The following SHISA6 variants were observed in gnomAD, a reference collection of about 807,000 sequenced individuals.
The protein encoded by SHISA6 is shisa family member 6.
A neutral mutation model predicts 47.9 loss-of-function variants in SHISA6; 22 were observed. The observed-to-expected ratio is 0.46, with a 90% CI of 0.33 to 0.66. The LOEUF is 0.66. Among genes scored for constraint, SHISA6 ranks in the 30% least tolerant of loss-of-function variants. The probability of loss-of-function intolerance (pLI) is 0.02; values close to 1 mark genes in which losing one functional copy is unlikely to be tolerated. For synonymous variants in SHISA6, 388 were observed against 337.8 expected, an observed-to-expected ratio of 1.15 and a Z score of -1.63; for missense variants, 680 against 764.6, an observed-to-expected ratio of 0.89 and a Z score of 1.30.
intron 2 of SHISA6, among the ~76,000 whole-genome samples, chr17:11,353,736 G>C (rs183207274): frequency 6.6e-6 from 1 of 152,152 alleles, no homozygotes; most frequent in Non-Finnish European, 1.5e-5. Context: ...GAAAGGGAAG[G>C]TTAATTTATC....
intron 2 of SHISA6, among the ~76,000 whole-genome samples, chr17:11,337,996 A>G (rs1481753463): frequency 1.3e-5 from 2 of 152,172 alleles, no homozygotes; most frequent in Non-Finnish European, 2.9e-5. Flanking sequence ...AGAGTGGTAG[A>G]GGGCATGTGT....
intron 1 of SHISA6, among the ~76,000 whole-genome samples, chr17:11,253,294 A>T (rs899637226): frequency 7.3e-6 from 1 of 136,530 alleles, no homozygotes; most frequent in Non-Finnish European, 1.6e-5. Context: ...AATTTATCCA[A>T]ATTGGACCTG....
chr17:11,500,647 G>A (rs1439004518), intron 3 of SHISA6, among the ~76,000 whole-genome samples: 1 of 152,174 alleles, frequency 6.6e-6, no homozygotes, highest in Non-Finnish European at 1.5e-5. Context: ...AACAAATACG[G>A]TAGCCACTAG....
chr17:11,305,322 A>G (rs894849071), intron 2 of SHISA6, among the ~76,000 whole-genome samples: 2 of 152,198 alleles, frequency 1.3e-5, no homozygotes, highest in African/African-American at 4.8e-5. Flanking sequence ...AGTCATCTTT[A>G]TAGTCAACAA....
At chr17:11,477,459 T>C (rs1365857863) in intron 3 of SHISA6, among the ~76,000 whole-genome samples, 1 of 152,162 alleles carries the variant, frequency 6.6e-6, no homozygotes, top group Non-Finnish European at 1.5e-5. Context: ...AGGGTACATG[T>C]GCACATTGTG....
chr17:11,488,542 C>T (rs1297052598), intron 3 of SHISA6, among the ~76,000 whole-genome samples: 1 of 152,146 alleles, frequency 6.6e-6, no homozygotes, highest in East Asian at 1.9e-4. Context: ...CGTTTTACTA[C>T]AAATGCTTGG....
intron 3 of SHISA6, among the ~76,000 whole-genome samples, chr17:11,502,886 T>C (rs1461695807): frequency 6.6e-6 from 1 of 152,220 alleles, no homozygotes; most frequent in African/African-American, 2.4e-5. Flanking sequence ...GCAGCCTTTT[T>C]GGATGGGTTT....
intron 2 of SHISA6, among the ~76,000 whole-genome samples, chr17:11,331,842 T>C (rs1422570345): frequency 6.6e-6 from 1 of 152,056 alleles, no homozygotes; most frequent in Non-Finnish European, 1.5e-5. Flanking sequence ...AGTCTTGCTG[T>C]CACCTCTGGG....
intron 3 of SHISA6, among the ~76,000 whole-genome samples, chr17:11,420,157 T>C (rs1914411077): frequency 6.6e-6 from 1 of 152,158 alleles, no homozygotes; most frequent in Non-Finnish European, 1.5e-5. Context: ...TGAGCCAAGA[T>C]TGCGCCACTG....
intron 3 of SHISA6, among the ~76,000 whole-genome samples, chr17:11,411,984 C>G (rs1178649777): frequency 6.6e-6 from 1 of 152,018 alleles, no homozygotes; most frequent in Non-Finnish European, 1.5e-5. Flanking sequence ...CATTTAGTTT[C>G]CTTTTCCCCC....
At chr17:11,255,681 T>TG (rs1907979798) in intron 1 of SHISA6, among the ~76,000 whole-genome samples, 1 of 152,148 alleles carries the variant, frequency 6.6e-6, no homozygotes, top group African/African-American at 2.4e-5. Context: ...GTGGGAAATA[T>TG]GGGGCGTGGA....
chr17:11,535,650 G>T (rs549055009), intron 3 of SHISA6, among the ~76,000 whole-genome samples: 1 of 152,204 alleles, frequency 6.6e-6, no homozygotes, highest in Non-Finnish European at 1.5e-5. Context: ...GTATTTGCAC[G>T]TTCTGGCAAA....
At chr17:11,395,514 T>C (rs975500217) in intron 3 of SHISA6, among the ~76,000 whole-genome samples, 56 of 124,112 alleles carry the variant, frequency 4.5e-4, no homozygotes, top group Non-Finnish European at 7.1e-4. Context: ...GCAGTTTTAC[T>C]TTTTTTTTTT....
chr17:11,505,136 A>G (rs1337391146), intron 3 of SHISA6, among the ~76,000 whole-genome samples: 2 of 152,166 alleles, frequency 1.3e-5, no homozygotes, highest in Non-Finnish European at 2.9e-5. Context: ...TTTTGTTGGG[A>G]GAAAAGTTCC....
intron 3 of SHISA6, among the ~76,000 whole-genome samples, chr17:11,457,693 A>G (rs1173543003): frequency 2.0e-5 from 3 of 149,652 alleles, no homozygotes. Context: ...GTAAGCCGAG[A>G]CCACGCCATT....
intron 3 of SHISA6, among the ~76,000 whole-genome samples, chr17:11,501,956 T>C (rs564051217): frequency 6.6e-6 from 1 of 152,316 alleles, no homozygotes; most frequent in African/African-American, 2.4e-5. Flanking sequence ...GGACAATTCC[T>C]TGATAACAAA....
At chr17:11,404,887 C>T (rs1428353853) in intron 3 of SHISA6, among the ~76,000 whole-genome samples, 1 of 152,172 alleles carries the variant, frequency 6.6e-6, no homozygotes, top group Admixed American at 6.5e-5. Context: ...ATGCCGATTA[C>T]ATAGCATTCC....
At chr17:11,293,637 A>G (rs1909630940) in intron 2 of SHISA6, among the ~76,000 whole-genome samples, 2 of 152,124 alleles carry the variant, frequency 1.3e-5, no homozygotes, top group South Asian at 4.2e-4. Context: ...TGCTGTAGGA[A>G]CGCAAGCATG....
At chr17:11,418,642 C>T (rs1376914609) in intron 3 of SHISA6, among the ~76,000 whole-genome samples, 1 of 152,170 alleles carries the variant, frequency 6.6e-6, no homozygotes, top group Non-Finnish European at 1.5e-5. Context: ...AGTATCATGG[C>T]TATCATTGCC....
Sources: allele counts gnomAD v4.1 joint callset (sites outside exome capture counted in the v4.1 genomes callset), GRCh38; gene constraint gnomAD v4.1.1; transcripts MANE v1.5; gene names NCBI Gene and HGNC (gene_info 2026-07-23, HGNC 2026-07-21).